Variants in EYA1 observed in about 807,000 individuals in gnomAD.
EYA1 encodes the protein protein phosphatase EYA1.
Under a neutral mutation model 82.0 loss-of-function variants are expected in EYA1, and 16 were observed. The observed-to-expected ratio is 0.20, with a 90% CI of 0.13 to 0.30. The LOEUF (loss-of-function observed/expected upper bound fraction) is 0.30. EYA1 is among the 10% of genes least tolerant of loss of function. EYA1 has a pLI of 1.00. For missense variants in EYA1, 633 were observed against 730.7 expected, an observed-to-expected ratio of 0.87 and a Z score of 1.54; for synonymous variants, 261 against 264.4, an observed-to-expected ratio of 0.99 and a Z score of 0.12.
intron 9 of EYA1, among the ~76,000 whole-genome samples, chr8:71,285,941 T>A (rs529636394): frequency 2.0e-5 from 3 of 152,188 alleles, no homozygotes; most frequent in Non-Finnish European, 4.4e-5. Context: ...ACCAAATATA[T>A]ACATAATAAC....
At chr8:71,361,415 TTAA>T (rs1351917089) in intron 1 of EYA1, among the ~76,000 whole-genome samples, 4 of 152,260 alleles carry the variant, frequency 2.6e-5, no homozygotes, top group Non-Finnish European at 5.9e-5. Context: ...TAATTATTTC[TTAA>T]TGATCCTGAT....
At chr8:71,378,820 G>C (rs1180723892) in intron 2 of EYA1, among the ~76,000 whole-genome samples, 1 of 152,120 alleles carries the variant, frequency 6.6e-6, no homozygotes, top group Non-Finnish European at 1.5e-5. Context: ...ATTTGGTTAA[G>C]TGATGCTAAT....
intron 7 of EYA1, among the ~76,000 whole-genome samples, chr8:71,315,701 C>T (rs752344429): frequency 8.0e-4 from 122 of 152,298 alleles, no homozygotes; most frequent in African/African-American, 2.8e-3. Flanking sequence ...CTTTCCATCA[C>T]TTTTTGTTCT....
intron 9 of EYA1, among the ~76,000 whole-genome samples, chr8:71,285,472 T>C (rs1818268674): frequency 6.6e-6 from 1 of 152,240 alleles, no homozygotes; most frequent in African/African-American, 2.4e-5. Context: ...AGAGAAAGTG[T>C]ACTCCTTACA....
At chr8:71,241,538 C>T (rs900434766) in intron 12 of EYA1, among the ~76,000 whole-genome samples, 7 of 152,116 alleles carry the variant, frequency 4.6e-5, no homozygotes, top group Admixed American at 6.6e-5. Context: ...CAAGAGATAG[C>T]TGGCAAAAGC....
chr8:71,282,454 C>T (rs1817914894), intron 9 of EYA1, among the ~76,000 whole-genome samples: 1 of 152,220 alleles, frequency 6.6e-6, no homozygotes, highest in Admixed American at 6.5e-5. Flanking sequence ...TAATGTTCCT[C>T]TTTGTCAAGA....
chr8:71,472,788 G>GATATATATATATATATATATATAT (rs71264559), intron 2 of EYA1, among the ~76,000 whole-genome samples: 125 of 126,698 alleles, frequency 9.9e-4, no homozygotes, highest in East Asian at 5.3e-3. Context: ...TAGCTTTGAA[G>GATATATATATATATATATATATAT]ATATATATAT....
chr8:71,509,851 C>T (rs80174876), intron 2 of EYA1, among the ~76,000 whole-genome samples: 3,885 of 152,030 alleles, frequency 0.026, 163 homozygotes, highest in African/African-American at 0.089. Context: ...AAAAAATATT[C>T]ATTTCCTGCC....
At chr8:71,200,589 A>G (rs1336756954) in intron 17 of EYA1, among the ~76,000 whole-genome samples, 1 of 152,224 alleles carries the variant, frequency 6.6e-6, no homozygotes, top group Non-Finnish European at 1.5e-5. Context: ...AGAATAGTCC[A>G]GAAATTAGTA....
intron 11 of EYA1, among the ~76,000 whole-genome samples, chr8:71,267,851 A>T (rs1392555280): frequency 6.6e-6 from 1 of 152,188 alleles, no homozygotes; most frequent in Non-Finnish European, 1.5e-5. Context: ...CCCGGCCGAG[A>T]TAAAACTTTT....
chr8:71,494,421 C>T (rs976570525), intron 2 of EYA1, among the ~76,000 whole-genome samples: 7 of 151,978 alleles, frequency 4.6e-5, no homozygotes, highest in East Asian at 3.9e-4. Context: ...GTAACAATAA[C>T]GCTACAAAAT....
chr8:71,339,990 T>C (rs890580282), intron 3 of EYA1, among the ~76,000 whole-genome samples: 1 of 152,226 alleles, frequency 6.6e-6, no homozygotes, highest in African/African-American at 2.4e-5. Context: ...TCTAATATTT[T>C]ACAAGTGTCT....
Position 71,361,821 on chromosome 8 carries a change from C to T in EYA1, c.-229G>A. On this transcript the variant is annotated 5_prime_UTR_variant, in exon 1 of 18. Transcript: ENST00000340726. ...TGGAGCGCCTCTGCAGGGGAAAGCT[C>T]GGCGCAGGGGGCAGGCGCCTGGCCG... 10 of 985,450 alleles carry T rather than the reference C, an allele frequency of 1.0e-5. No individual in the cohort carries two copies. Among genetic ancestry groups the T allele is most frequent in the Non-Finnish European group, 1.2e-5 (10 of 829,942 alleles). 61.0% of individuals were successfully genotyped at this position (985,450 alleles called of 1,614,324 possible). A position where few individuals can be genotyped will look rare whatever the true frequency, so the allele number is the denominator to read the frequency against.
chr8:71,453,564 CTGATCTCT>C (rs1412509589), intron 2 of EYA1, among the ~76,000 whole-genome samples: 1 of 152,204 alleles, frequency 6.6e-6, no homozygotes, highest in East Asian at 1.9e-4. Flanking sequence ...AGACTAACAG[CTGATCTCT>C]TGGCAGAAAC....
In EYA1 at chr8:71,468,934, T is replaced by C. The variant is rs149005887; in HGVS notation, c.33+66810A>G. Among the ~76,000 whole-genome samples, 245 of 152,260 alleles carry C rather than the reference T, an allele frequency of 1.6e-3. 3 individuals are homozygous for C. Among genetic ancestry groups the C allele is most frequent in the African/African-American group, 5.6e-3 (232 of 41,576 alleles). ...CGTCTTATTTTTCTCCAAATATTCA[T>C]AAACTTTCAAATTATTTGTCTTAAA... On this transcript the variant is annotated intron_variant, in intron 2 of 18. Transcript: ENST00000643681.
intron 2 of EYA1, among the ~76,000 whole-genome samples, chr8:71,417,417 T>G (rs991132468): frequency 6.6e-6 from 1 of 152,182 alleles, no homozygotes; most frequent in Non-Finnish European, 1.5e-5. Flanking sequence ...TTCTAGAAAT[T>G]AGAACATGGA....
At chr8:71,525,029 T>C (rs1442606218) in intron 2 of EYA1, among the ~76,000 whole-genome samples, 1 of 152,230 alleles carries the variant, frequency 6.6e-6, no homozygotes, top group African/African-American at 2.4e-5. Context: ...ACTAAAGCCA[T>C]CATGATTGTC....
At chr8:71,231,657 A>G (rs564465418) in intron 12 of EYA1, among the ~76,000 whole-genome samples, 7 of 152,326 alleles carry the variant, frequency 4.6e-5, no homozygotes, top group African/African-American at 1.4e-4. Flanking sequence ...TGTGTTTCAT[A>G]TTTTATCCTC....
rs73290051 is a variant in EYA1 at position 71,296,880 on chromosome 8, G to A, written c.826+2167C>T. Among the ~76,000 whole-genome samples, 937 of 151,982 alleles carry A rather than the reference G, an allele frequency of 6.2e-3. 15 individuals are homozygous for A. Among genetic ancestry groups the A allele is most frequent in the African/African-American group, 0.021 (891 of 41,462 alleles). On this transcript the variant is annotated intron_variant, in intron 9 of 17. Transcript: ENST00000340726. ...GCCAAAAAACTTAGCCTGAATCTGC[G>A]GTCTTTTCACAAATTAAAGAATGAA... is the stretch of plus-strand genomic sequence containing the variant.
Sources: gnomAD v4.1 joint callset for allele counts (sites outside exome capture counted in the v4.1 genomes callset) on GRCh38, gnomAD v4.1.1 for gene constraint, MANE v1.5 for transcripts, NCBI Gene and HGNC (gene_info 2026-07-23, HGNC 2026-07-21) for gene names.